The following RIMS1 variants were observed in gnomAD, a reference collection of about 807,000 sequenced individuals.
RIMS1 encodes regulating synaptic membrane exocytosis protein 1.
In RIMS1, 83 loss-of-function variants were observed where a neutral mutation model predicts 214.1. The observed-to-expected ratio is 0.39, with a 90% confidence interval of 0.32 to 0.47. The LOEUF (loss-of-function observed/expected upper bound fraction) is 0.47. Ranked by LOEUF, RIMS1 falls within the 20% of genes least tolerant of loss-of-function variation. RIMS1 has a pLI of 0.99. For synonymous variants in RIMS1, 793 were observed against 786.8 expected (o/e 1.01, Z -0.13); for missense variants, 2,050 against 2,161.8 (o/e 0.95, Z 1.03).
At chr6:72,152,760 TG>T in intron 4 of RIMS1, among the ~76,000 whole-genome samples, 1 of 134,804 alleles carries the variant, frequency 7.4e-6, no homozygotes, top group Admixed American at 8.3e-5. Flanking sequence ...TGTATATATA[TG>T]GAATATATGT....
At chr6:72,385,723 G>A (rs962890051) in intron 29 of RIMS1, among the ~76,000 whole-genome samples, 4 of 152,154 alleles carry the variant, frequency 2.6e-5, no homozygotes, top group Admixed American at 1.3e-4. Context: ...AGTAAGGGCC[G>A]AACGAATTTG....
At chr6:72,369,145 A>G (rs2098136884) in intron 29 of RIMS1, among the ~76,000 whole-genome samples, 2 of 151,370 alleles carry the variant, frequency 1.3e-5, no homozygotes, top group Admixed American at 6.6e-5. Context: ...CAAGAGATCA[A>G]TATGCCATCT....
At chr6:72,340,782 A>C (rs1187357146) in intron 29 of RIMS1, among the ~76,000 whole-genome samples, 1 of 152,026 alleles carries the variant, frequency 6.6e-6, no homozygotes, top group Non-Finnish European at 1.5e-5. Context: ...TTTTGGTTCC[A>C]TATGAACTTT....
At chr6:71,931,188 T>G (rs1782921640) in intron 1 of RIMS1, among the ~76,000 whole-genome samples, 1 of 152,028 alleles carries the variant, frequency 6.6e-6, no homozygotes, top group Admixed American at 6.6e-5. Flanking sequence ...AGCGGTCATG[T>G]AAGACCTCAG....
chr6:72,376,536 G>C (rs763004012), intron 29 of RIMS1, among the ~76,000 whole-genome samples: 1 of 151,998 alleles, frequency 6.6e-6, no homozygotes, highest in Admixed American at 6.5e-5. Context: ...GGCAGATATC[G>C]GGAGCTCAAG....
At chr6:72,271,282 AAAAAAT>A (rs1242656865) in intron 22 of RIMS1, among the ~76,000 whole-genome samples, 28 of 68,322 alleles carry the variant, frequency 4.1e-4, no homozygotes, top group African/African-American at 1.6e-3. Flanking sequence ...AAAAAAAAAA[AAAAAAT>A]ATATATATAT....
At chr6:72,289,004 C>T (rs1289498761) in intron 24 of RIMS1, among the ~76,000 whole-genome samples, 1 of 152,188 alleles carries the variant, frequency 6.6e-6, no homozygotes, top group East Asian at 1.9e-4. Flanking sequence ...TGAATATTCA[C>T]CCAGGAAGCC....
intron 16 of RIMS1, among the ~76,000 whole-genome samples, chr6:72,253,199 C>T (rs1272930479): frequency 6.6e-6 from 1 of 152,130 alleles, no homozygotes; most frequent in Non-Finnish European, 1.5e-5. Context: ...TTTCCTTCCA[C>T]CATTTCTGAA....
chr6:72,248,209 C>A, intron 12 of RIMS1, 82 bp downstream of exon 12: 1 of 781,388 alleles, frequency 1.3e-6, no homozygotes, highest in Admixed American at 2.4e-5. Flanking sequence ...TTCGCCTTTC[C>A]TTGAAGCCTG....
intron 1 of RIMS1, among the ~76,000 whole-genome samples, chr6:71,957,765 G>A (rs1318981890): frequency 1.3e-5 from 2 of 150,264 alleles, no homozygotes; most frequent in African/African-American, 5.0e-5. Flanking sequence ...TAAATTTTTA[G>A]CCGATAAAAT....
At chr6:72,125,364 C>T (rs1292192998) in intron 4 of RIMS1, among the ~76,000 whole-genome samples, 2 of 152,310 alleles carry the variant, frequency 1.3e-5, no homozygotes, top group South Asian at 2.1e-4. Context: ...AGCTTCGTCT[C>T]AGAGGGGCAC....
At chr6:72,152,224 A>G (rs1442068579) in intron 4 of RIMS1, among the ~76,000 whole-genome samples, 1 of 152,154 alleles carries the variant, frequency 6.6e-6, no homozygotes, top group African/African-American at 2.4e-5. Flanking sequence ...TTCTTAACCA[A>G]CATTTTTATA....
chr6:72,125,025 G>A (rs963118946), intron 4 of RIMS1, among the ~76,000 whole-genome samples: 1 of 152,086 alleles, frequency 6.6e-6, no homozygotes, highest in Admixed American at 6.5e-5. Flanking sequence ...TCCATTGCTG[G>A]TGAGGAGCTG....
At chr6:71,968,713 G>A (rs1438543885) in intron 1 of RIMS1, among the ~76,000 whole-genome samples, 3 of 152,120 alleles carry the variant, frequency 2.0e-5, no homozygotes, top group Admixed American at 6.5e-5. Context: ...TTCTGCTATG[G>A]GAAAAGCTGC....
chr6:72,096,934 TTC>T lies in RIMS1; in HGVS notation c.246-11_246-10del. The stretch of plus-strand genomic sequence containing the variant: ...ACTATTTACTTAGTTTGCTACCATT[TTC>T]TCTTTTGCCTAGGAGATTGCATCAA... On this transcript the variant is annotated splice_polypyrimidine_tract_variant and intron_variant, in intron 2 of 33. Coordinates refer to ENST00000521978, the MANE Select transcript of RIMS1 (RefSeq NM_014989.7). The T allele has an allele frequency of 6.2e-7, 1 of 1,605,242 alleles. No homozygotes were observed. Among genetic ancestry groups the T allele is most frequent in the Non-Finnish European group, 8.5e-7 (1 of 1,173,486 alleles).
chr6:72,092,663 G>A (rs1437529327), intron 2 of RIMS1, among the ~76,000 whole-genome samples: 1 of 152,208 alleles, frequency 6.6e-6, no homozygotes, highest in African/African-American at 2.4e-5. Flanking sequence ...GTGATTCCCT[G>A]TAGAGTTTGG....
At chr6:72,105,783 A>G (rs942152028) in intron 4 of RIMS1, among the ~76,000 whole-genome samples, 1 of 152,160 alleles carries the variant, frequency 6.6e-6, no homozygotes, top group Non-Finnish European at 1.5e-5. Context: ...CCCTTAGTGT[A>G]CAGGATGACA....
At position 72,274,380 on chromosome 6, in the gene RIMS1, C is replaced by A. The variant is rs202076893; in HGVS notation, c.3430C>A (p.Arg1144=). The A allele has an allele frequency of 1.9e-6, 3 of 1,612,710 alleles. No individual in the cohort carries two copies. The highest frequency in any genetic ancestry group is 2.5e-6 in the Non-Finnish European group (3 of 1,179,034). The change falls in exon 23 of 34, where the codon CGA becomes AGA. Residue 1144 remains arginine, a synonymous_variant. Transcript: ENST00000521978. ...GRWSPSLDRR[R]PPSPRIQIQH... is the part of the protein sequence containing the mutation. The stretch of plus-strand genomic sequence containing the variant: ...ATGGTCCCCCTCCCTAGATAGGAGA[C>A]GACCTCCTAGTCCCAGGATTCAAAT...
chr6:72,012,725 A>G (rs986286570), intron 2 of RIMS1, among the ~76,000 whole-genome samples: 1 of 152,198 alleles, frequency 6.6e-6, no homozygotes, highest in Non-Finnish European at 1.5e-5. Flanking sequence ...TGGCATTGGT[A>G]AAGAATCTAG....
Sources: allele counts gnomAD v4.1 joint callset (sites outside exome capture counted in the v4.1 genomes callset), GRCh38; gene constraint gnomAD v4.1.1; transcripts MANE v1.5; gene names NCBI Gene and HGNC (gene_info 2026-07-23, HGNC 2026-07-21).